GMDS: variants seen among roughly 807,000 people sequenced by gnomAD.
The protein encoded by GMDS is GDP-mannose 4,6-dehydratase.
A neutral mutation model predicts 49.9 loss-of-function variants in GMDS; 20 were observed. The observed-to-expected ratio is 0.40, with a 90% CI of 0.28 to 0.58. The LOEUF (loss-of-function observed/expected upper bound fraction) is 0.58. Ranked by LOEUF, GMDS falls within the 20% of genes least tolerant of loss-of-function variation. GMDS has a pLI of 0.42. For synonymous variants in GMDS, 177 were observed against 178.6 expected (o/e 0.99, Z 0.07); for missense variants, 362 against 481.4 (o/e 0.75, Z 2.32).
At chr6:1,647,723 G>T (rs2113204058) in intron 9 of GMDS, among the ~76,000 whole-genome samples, 1 of 152,282 alleles carries the variant, frequency 6.6e-6, no homozygotes, top group East Asian at 1.9e-4. Flanking sequence ...GAATGCTCTG[G>T]AGAGAAGGAG....
intron 1 of GMDS, among the ~76,000 whole-genome samples, chr6:2,190,830 T>C (rs1778981021): frequency 6.6e-6 from 1 of 152,088 alleles, no homozygotes; most frequent in African/African-American, 2.4e-5. Context: ...CAGGAGCGGC[T>C]GCAGGAGCAG....
chr6:2,165,911 T>C (rs1472160692), intron 1 of GMDS, among the ~76,000 whole-genome samples: 1 of 152,052 alleles, frequency 6.6e-6, no homozygotes, highest in Non-Finnish European at 1.5e-5. Context: ...AAGGATGGGT[T>C]GAACAGTAGA....
chr6:1,957,367 T>C (rs1763696717), intron 6 of GMDS, among the ~76,000 whole-genome samples: 1 of 152,168 alleles, frequency 6.6e-6, no homozygotes, highest in South Asian at 2.1e-4. Flanking sequence ...GGGAAAGAAA[T>C]CTCCTTGGAA....
intron 9 of GMDS, among the ~76,000 whole-genome samples, chr6:1,637,822 C>T (rs1386583897): frequency 6.6e-6 from 1 of 152,222 alleles, no homozygotes; most frequent in Non-Finnish European, 1.5e-5. Context: ...CCCTGTCCTT[C>T]AGCCTTCTAA....
intron 8 of GMDS, among the ~76,000 whole-genome samples, chr6:1,731,442 C>T (rs1460943734): frequency 6.6e-6 from 1 of 152,182 alleles, no homozygotes; most frequent in African/African-American, 2.4e-5. Context: ...CCACTGGGAC[C>T]AAGAGAAGGT....
intron 1 of GMDS, among the ~76,000 whole-genome samples, chr6:2,219,295 T>C (rs914170067): frequency 2.6e-5 from 4 of 152,216 alleles, no homozygotes; most frequent in African/African-American, 9.6e-5. Context: ...AGCCAGATGA[T>C]AGAGAGGGTA....
intron 4 of GMDS, among the ~76,000 whole-genome samples, chr6:2,066,498 T>A: frequency 6.6e-6 from 1 of 151,682 alleles, no homozygotes; most frequent in East Asian, 1.9e-4. Flanking sequence ...TCAAGACCCA[T>A]CAGTGTGCTG....
chr6:1,972,238 T>A (rs1561936067), intron 4 of GMDS, among the ~76,000 whole-genome samples: 1 of 150,448 alleles, frequency 6.6e-6, no homozygotes, highest in Non-Finnish European at 1.5e-5. Context: ...AAAACAAATA[T>A]TAAACTAAGT....
chr6:1,985,394 T>A (rs1011947791), intron 4 of GMDS, among the ~76,000 whole-genome samples: 9 of 151,818 alleles, frequency 5.9e-5, no homozygotes, highest in Non-Finnish European at 1.0e-4. Context: ...GATTTTTTTT[T>A]AAAAAGAACA....
chr6:1,633,691 A>G (rs1354538740), intron 9 of GMDS, among the ~76,000 whole-genome samples: 1 of 152,144 alleles, frequency 6.6e-6, no homozygotes, highest in East Asian at 1.9e-4. Flanking sequence ...AAAGGCCTTA[A>G]GGGAACCCCG....
At chr6:2,099,300 A>C (rs903147276) in intron 4 of GMDS, among the ~76,000 whole-genome samples, 1 of 152,162 alleles carries the variant, frequency 6.6e-6, no homozygotes, top group African/African-American at 2.4e-5. Context: ...CTTGAGTGAA[A>C]GTACAGTATT....
chr6:1,885,905 G>C (rs747275817), intron 7 of GMDS, among the ~76,000 whole-genome samples: 18 of 152,178 alleles, frequency 1.2e-4, no homozygotes, highest in Non-Finnish European at 2.2e-4. Flanking sequence ...TCACCAGGCT[G>C]CACTGACACA....
intron 1 of GMDS, among the ~76,000 whole-genome samples, chr6:2,232,046 G>GA (rs1440369123): frequency 2.6e-5 from 4 of 151,764 alleles, no homozygotes; most frequent in Non-Finnish European, 4.4e-5. Flanking sequence ...TTAGCAAAAT[G>GA]AAAAAAATGG....
chr6:1,847,401 GAAC>G (rs1757458000), intron 7 of GMDS, among the ~76,000 whole-genome samples: 1 of 152,140 alleles, frequency 6.6e-6, no homozygotes, highest in Admixed American at 6.5e-5. Flanking sequence ...AATCATGGGG[GAAC>G]AACAATGAAA....
At chr6:1,973,755 G>C (rs1764743627) in intron 4 of GMDS, among the ~76,000 whole-genome samples, 1 of 151,998 alleles carries the variant, frequency 6.6e-6, no homozygotes, top group Non-Finnish European at 1.5e-5. Context: ...AATAACCTTG[G>C]CATCTAAATA....
At chr6:2,163,351 G>T (rs1777500801) in intron 1 of GMDS, among the ~76,000 whole-genome samples, 1 of 152,118 alleles carries the variant, frequency 6.6e-6, no homozygotes, top group Non-Finnish European at 1.5e-5. Flanking sequence ...TCCAGGAGAG[G>T]CAAACACTAA....
At position 1,655,326 on chromosome 6, in the gene GMDS, G is replaced by T. The variant is rs570307772; in HGVS notation, c.988-30786C>A. 7.9e-4 allele frequency among the ~76,000 whole-genome samples: 120 copies of T among 151,930 alleles called. 1 individual carries two copies. Among genetic ancestry groups the T allele is most frequent in the African/African-American group, 2.8e-3 (116 of 41,412 alleles). ...AATAATGTGCAGGGATGAATACGTG[G>T]GTTCTGATTATTCTTTTCTTAAATT... On this transcript the variant is annotated intron_variant, in intron 9 of 10. Transcript: ENST00000380815.
chr6:1,930,242 C>T lies in GMDS; in HGVS notation c.644-12G>A, dbSNP rs1210157859. 6.2e-7 allele frequency: 1 copy of T among 1,610,634 alleles called. No homozygotes were observed. Among genetic ancestry groups the T allele is most frequent in the Admixed American group, 1.7e-5 (1 of 59,770 alleles). ...AACGAAATTAGCTCCTAAAAAGAGG[C>T]AAAAGATGTAGTATCAGTCAAGTGC... On this transcript the variant is annotated splice_polypyrimidine_tract_variant and intron_variant, in intron 6 of 10. Coordinates refer to ENST00000380815, the MANE Select transcript of GMDS (RefSeq NM_001500.4).
Position 1,755,870 on chromosome 6 carries a change from A to G in GMDS, c.772-13284T>C, listed in dbSNP as rs182499640. 3.7e-4 allele frequency among the ~76,000 whole-genome samples: 56 copies of G among 152,384 alleles called. 1 individual carries two copies. Among genetic ancestry groups the G allele is most frequent in the African/African-American group, 1.3e-3 (53 of 41,598 alleles). On this transcript the variant is annotated intron_variant, in intron 7 of 10. Coordinates refer to ENST00000380815, the MANE Select transcript of GMDS (RefSeq NM_001500.4). The stretch of plus-strand genomic sequence containing the variant: ...CATGCGCAAAGACTTCATGACTAAA[A>G]CACCAAAAGCAATGGAAACAAAAGC...
Sources: gnomAD v4.1 joint callset for allele counts (sites outside exome capture counted in the v4.1 genomes callset) on GRCh38, gnomAD v4.1.1 for gene constraint, MANE v1.5 for transcripts, NCBI Gene and HGNC (gene_info 2026-07-23, HGNC 2026-07-21) for gene names.